The following LUZP2 variants were observed in gnomAD, a reference collection of about 807,000 sequenced individuals.
The protein encoded by LUZP2 is leucine zipper protein 2.
A neutral mutation model predicts 51.6 loss-of-function variants in LUZP2; 52 were observed. The ratio of observed to expected loss-of-function variants is 1.01; its 90% CI spans 0.81 to 1.27. The LOEUF is 1.27. Ranked by LOEUF, LUZP2 falls within the 50% of genes most tolerant of loss-of-function variation. The pLI is 0.00. For missense variants in LUZP2, 436 were observed against 395.4 expected, an observed-to-expected ratio of 1.10 and a Z score of -0.87; for synonymous variants, 154 against 137.3, an observed-to-expected ratio of 1.12 and a Z score of -0.85.
intron 5 of LUZP2, among the ~76,000 whole-genome samples, chr11:24,803,878 G>A (rs922973603): frequency 6.6e-6 from 1 of 151,854 alleles, no homozygotes; most frequent in African/African-American, 2.4e-5. Flanking sequence ...AATGTTGAAG[G>A]TGAATTGGAA....
intron 1 of LUZP2, among the ~76,000 whole-genome samples, chr11:24,550,387 G>T (rs560652931): frequency 1.3e-5 from 2 of 152,006 alleles, no homozygotes; most frequent in Non-Finnish European, 2.9e-5. Flanking sequence ...ATAAAAGAAA[G>T]ACTTATTCTG....
intron 1 of LUZP2, among the ~76,000 whole-genome samples, chr11:24,533,326 CT>C (rs1317901253): frequency 6.6e-6 from 1 of 151,186 alleles, no homozygotes; most frequent in African/African-American, 2.4e-5. Context: ...AGTATCGGAT[CT>C]TTTTTAACTT....
At chr11:24,542,236 C>A (rs115972447) in intron 1 of LUZP2, among the ~76,000 whole-genome samples, 45 of 151,972 alleles carry the variant, frequency 3.0e-4, no homozygotes, top group Non-Finnish European at 4.0e-4. Flanking sequence ...TCCTCACCCC[C>A]CCATACACAA....
chr11:24,669,709 T>C (rs1009275345), intron 1 of LUZP2, among the ~76,000 whole-genome samples: 5 of 152,080 alleles, frequency 3.3e-5, no homozygotes, highest in Non-Finnish European at 7.4e-5. Flanking sequence ...TGATAGGATG[T>C]TCACGTGCGG....
chr11:24,808,417 G>C (rs12289505), intron 5 of LUZP2, among the ~76,000 whole-genome samples: 1 of 152,108 alleles, frequency 6.6e-6, no homozygotes, highest in African/African-American at 2.4e-5. Context: ...TTTCCTGTAG[G>C]TGTTATCTGA....
chr11:25,063,409 T>A (rs541189424), intron 10 of LUZP2, among the ~76,000 whole-genome samples: 3 of 151,762 alleles, frequency 2.0e-5, no homozygotes, highest in Non-Finnish European at 3.0e-5. Flanking sequence ...CTTAATACAA[T>A]ATTTTCCAAA....
chr11:25,056,000 T>A (rs1393960360), intron 10 of LUZP2, among the ~76,000 whole-genome samples: 1 of 152,184 alleles, frequency 6.6e-6, no homozygotes, highest in Non-Finnish European at 1.5e-5. Context: ...ATGAAAGCTA[T>A]GCCTCTCACA....
At chr11:24,728,218 G>A (rs1858563633) in intron 1 of LUZP2, among the ~76,000 whole-genome samples, 1 of 151,926 alleles carries the variant, frequency 6.6e-6, no homozygotes, top group Non-Finnish European at 1.5e-5. Context: ...GTGAAGGGCT[G>A]TGTCCAAAAA....
chr11:24,962,149 A>G (rs1248214571), intron 7 of LUZP2, among the ~76,000 whole-genome samples: 1 of 152,088 alleles, frequency 6.6e-6, no homozygotes, highest in African/African-American at 2.4e-5. Flanking sequence ...CTTTGTGGGT[A>G]ACCCAACCTT....
intron 5 of LUZP2, among the ~76,000 whole-genome samples, chr11:24,886,016 G>C (rs1852657610): frequency 6.6e-6 from 1 of 152,024 alleles, no homozygotes; most frequent in South Asian, 2.1e-4. Context: ...TCTGCCACCA[G>C]TAGGATAATG....
chr11:24,993,279 G>A (rs1036539479), intron 9 of LUZP2, among the ~76,000 whole-genome samples: 1 of 152,040 alleles, frequency 6.6e-6, no homozygotes, highest in South Asian at 2.1e-4. Context: ...GTTTTACTTT[G>A]TTTTCAATTA....
intron 9 of LUZP2, among the ~76,000 whole-genome samples, chr11:25,017,230 C>G (rs1471252959): frequency 6.6e-6 from 1 of 152,094 alleles, no homozygotes; most frequent in Non-Finnish European, 1.5e-5. Context: ...TTTATGTTTA[C>G]TCTGATGATG....
intron 7 of LUZP2, among the ~76,000 whole-genome samples, chr11:24,931,396 T>G (rs1428958303): frequency 1.3e-5 from 2 of 152,202 alleles, no homozygotes; most frequent in East Asian, 1.9e-4. Flanking sequence ...CCTCCACACC[T>G]GTGGGCGTTT....
chr11:24,512,722 A>G (rs1232751344), intron 1 of LUZP2, among the ~76,000 whole-genome samples: 1 of 150,070 alleles, frequency 6.7e-6, no homozygotes. Flanking sequence ...AGGTCTTTTA[A>G]TTCCTGAATT....
At chr11:24,810,912 G>A (rs578109880) in intron 5 of LUZP2, among the ~76,000 whole-genome samples, 1 of 152,242 alleles carries the variant, frequency 6.6e-6, no homozygotes, top group South Asian at 2.1e-4. Flanking sequence ...TCAGTAGCAA[G>A]ATTGTAGCTC....
chr11:24,831,040 G>C (rs1194801332), intron 5 of LUZP2, among the ~76,000 whole-genome samples: 3 of 151,944 alleles, frequency 2.0e-5, no homozygotes, highest in Non-Finnish European at 4.4e-5. Context: ...AGAAGAAGAA[G>C]CAAGGCTAAG....
chr11:24,966,903 A>G (rs887993071), intron 7 of LUZP2, among the ~76,000 whole-genome samples: 1 of 147,580 alleles, frequency 6.8e-6, no homozygotes, highest in African/African-American at 2.5e-5. Flanking sequence ...TATATATATT[A>G]TATATATATA....
At chr11:24,819,540 T>C (rs2134154469) in intron 5 of LUZP2, among the ~76,000 whole-genome samples, 1 of 152,246 alleles carries the variant, frequency 6.6e-6, no homozygotes, top group Admixed American at 6.5e-5. Flanking sequence ...TAATTATGCC[T>C]GAGGTTTAAA....
chr11:24,550,481 T>G (rs1027503237), intron 1 of LUZP2, among the ~76,000 whole-genome samples: 3 of 152,046 alleles, frequency 2.0e-5, no homozygotes, highest in African/African-American at 7.2e-5. Flanking sequence ...AGAGTTCAAA[T>G]TTCTACCTGT....
Sources: allele counts gnomAD v4.1 joint callset (sites outside exome capture counted in the v4.1 genomes callset), GRCh38; gene constraint gnomAD v4.1.1; transcripts MANE v1.5; gene names NCBI Gene and HGNC (gene_info 2026-07-23, HGNC 2026-07-21).